RYR2: variants seen among roughly 807,000 people sequenced by gnomAD.
RYR2 encodes the protein cardiac muscle ryanodine receptor-calcium release channel.
RYR2 carries 227 observed loss-of-function variants against 601.1 expected under a neutral mutation model. The observed-to-expected ratio is 0.38, with a 90% CI of 0.34 to 0.42. The LOEUF (loss-of-function observed/expected upper bound fraction) is 0.42. RYR2 is among the 10% of genes least tolerant of loss of function. The pLI is 1.00. For synonymous variants in RYR2, 2,223 were observed against 2,175.1 expected, an observed-to-expected ratio of 1.02 and a Z score of -0.61; for missense variants, 4,646 against 6,156.5, an observed-to-expected ratio of 0.75 and a Z score of 8.21.
intron 1 of RYR2, among the ~76,000 whole-genome samples, chr1:237,087,954 G>A (rs1488043831): frequency 1.3e-5 from 2 of 152,132 alleles, no homozygotes; most frequent in African/African-American, 4.8e-5. Context: ...TTAAGTCATT[G>A]GTATTTGTGC....
intron 79 of RYR2, among the ~76,000 whole-genome samples, chr1:237,740,906 T>A (rs1272311366): frequency 1.3e-5 from 2 of 152,310 alleles, no homozygotes; most frequent in African/African-American, 4.8e-5. Flanking sequence ...GATGGAGGAC[T>A]GCAGATTTGC....
intron 2 of RYR2, among the ~76,000 whole-genome samples, chr1:237,313,361 G>A (rs1345550807): frequency 6.6e-6 from 1 of 152,122 alleles, no homozygotes; most frequent in African/African-American, 2.4e-5. Context: ...GATTATCTGG[G>A]TGAGCTCTAA....
At chr1:237,095,762 G>A (rs1667446206) in intron 1 of RYR2, among the ~76,000 whole-genome samples, 1 of 152,248 alleles carries the variant, frequency 6.6e-6, no homozygotes, top group Non-Finnish European at 1.5e-5. Flanking sequence ...AAGGTGGCAT[G>A]TAGTGGGCAT....
intron 39 of RYR2, among the ~76,000 whole-genome samples, chr1:237,624,822 T>C (rs1679469960): frequency 6.6e-6 from 1 of 152,242 alleles, no homozygotes; most frequent in South Asian, 2.1e-4. Flanking sequence ...CCAGCTGTTT[T>C]TAAAGTTATA....
At position 237,756,293 on chromosome 1, in the gene RYR2, A is replaced by G. The variant is rs748235560; in HGVS notation, c.11151A>G (p.Lys3717=). ...GEEEVKSFEE[K]EMEKQKLLYQ... is the part of the protein sequence containing the mutation. ...TGGTTGGGATTTGTGTTCAGGAAAA[A>G]GAAATGGAAAAGCAAAAGCTTCTAT... Residue 3717 remains lysine, a synonymous_variant, in exon 81 of 105, where the codon AAA becomes AAG. Transcript: ENST00000366574. The G allele has an allele frequency of 2.4e-5, 38 of 1,610,962 alleles. 1 individual carries two copies. The South Asian group carries it at 4.2e-4, about 18-fold the overall frequency.
intron 17 of RYR2, among the ~76,000 whole-genome samples, chr1:237,486,255 A>C (rs1212760401): frequency 6.6e-6 from 1 of 152,198 alleles, no homozygotes. Context: ...AAATGTCCAG[A>C]AGATAATTAG....
chr1:237,092,765 T>C (rs1667111669), intron 1 of RYR2, among the ~76,000 whole-genome samples: 1 of 152,170 alleles, frequency 6.6e-6, no homozygotes. Context: ...TCTTGACCTC[T>C]AGTGATCCAC....
At chr1:237,312,785 A>G (rs891303629) in intron 2 of RYR2, among the ~76,000 whole-genome samples, 3 of 152,232 alleles carry the variant, frequency 2.0e-5, no homozygotes, top group Non-Finnish European at 2.9e-5. Context: ...GAACTTAGTG[A>G]CCATAGGGAA....
intron 51 of RYR2, among the ~76,000 whole-genome samples, chr1:237,651,824 T>G (rs1682772167): frequency 6.6e-6 from 1 of 151,626 alleles, no homozygotes; most frequent in Non-Finnish European, 1.5e-5. Flanking sequence ...GATCACGAGG[T>G]TAGGAGATCG....
At position 237,628,007 on chromosome 1, in the gene RYR2, C is replaced by T. The variant is rs1060500159; in HGVS notation, c.6367C>T (p.Leu2123Phe). The T allele has an allele frequency of 6.2e-7, 1 of 1,613,880 alleles. No individual in the cohort carries two copies. The highest frequency in any genetic ancestry group is 8.5e-7 in the Non-Finnish European group (1 of 1,179,878). ...GGACACCATCAACCTGCTGGCATCC[C>T]TTGGTCAGATTCGGTCCCTGCTGAG... Reference protein sequence around the residue: ...VEDTINLLASLGQIRSLLSVR... With the variant: ...VEDTINLLASFGQIRSLLSVR... Residue 2123 changes from leucine to phenylalanine, a missense_variant, in exon 41 of 105, where the codon CTT becomes TTT. Transcript: ENST00000366574.
intron 10 of RYR2, among the ~76,000 whole-genome samples, chr1:237,414,455 G>A (rs1188200663): frequency 6.6e-6 from 1 of 152,054 alleles, no homozygotes; most frequent in East Asian, 1.9e-4. Flanking sequence ...TCTGGGGATG[G>A]GTCCAGCAAT....
In RYR2 at chr1:237,332,652, A is replaced by G. The variant is rs1243090247; in HGVS notation, c.273+1670A>G. The stretch of plus-strand genomic sequence containing the variant: ...TTTGGCATTAGCATTTAAAAAATGC[A>G]TCTTGCCATTTCATCTGTCTTTATA... On this transcript the variant is annotated intron_variant, in intron 3 of 104. Transcript: ENST00000366574. Among the ~76,000 whole-genome samples, 3 of 152,210 alleles carry G rather than the reference A, an allele frequency of 2.0e-5. No individual in the cohort carries two copies. The East Asian group carries it at 5.8e-4, about 29-fold the overall frequency.
chr1:237,610,925 G>C lies in RYR2; in HGVS notation c.4847G>C (p.Gly1616Ala). 1.2e-6 allele frequency: 2 copies of C among 1,613,526 alleles called. No homozygotes were observed. Among genetic ancestry groups the C allele is most frequent in the Non-Finnish European group, 1.7e-6 (2 of 1,179,744 alleles). The change falls in exon 36 of 105, where the codon GGC becomes GCC. Residue 1616 changes from glycine to alanine, a missense_variant. This residue lies in a region of RYR2 where 1,807 missense variants were observed against 2,088.1 expected (regional missense o/e 0.87). Coordinates refer to ENST00000366574, the MANE Select transcript of RYR2 (RefSeq NM_001035.3). This position sits in a 1 kb window ranked among gnomAD's most constrained non-coding sequence, Gnocchi z 4.9. ...VDVSRISERQ[G>A]WLVQCLDPLQ... ...GTGTCTCGAATAAGTGAACGCCAAG[G>C]CTGGTTGGTGCAGTGTTTGGATCCT...
At position 237,309,964 on chromosome 1, in the gene RYR2, G is replaced by A. The variant is rs181635672; in HGVS notation, c.169-20914G>A. 1.4e-3 allele frequency among the ~76,000 whole-genome samples: 214 copies of A among 152,306 alleles called. 1 individual carries two copies. Among genetic ancestry groups the A allele is most frequent in the Middle Eastern group, 3.4e-3 (1 of 292 alleles). On this transcript the variant is annotated intron_variant, in intron 2 of 104. Transcript: ENST00000366574. Reference sequence around the variant, plus strand: ...CCACGCTCACCAGCACAAGCGCCACGCGCAGCTCTGGTTCCTGCCCACACC... The same window carrying A: ...CCACGCTCACCAGCACAAGCGCCACACGCAGCTCTGGTTCCTGCCCACACC...
intron 1 of RYR2, among the ~76,000 whole-genome samples, chr1:237,161,385 G>A (rs544789129): frequency 1.0e-3 from 158 of 152,098 alleles, no homozygotes; most frequent in African/African-American, 3.7e-3. Context: ...TGTGCACAGA[G>A]AGTTGATAAT....
At chr1:237,804,047 A>G (rs1055318103) in intron 98 of RYR2, among the ~76,000 whole-genome samples, 1 of 152,160 alleles carries the variant, frequency 6.6e-6, no homozygotes, top group African/African-American at 2.4e-5. Flanking sequence ...TAAAATAAAA[A>G]AGAGACCATG....
At chr1:237,184,852 G>T (rs1041855855) in intron 1 of RYR2, among the ~76,000 whole-genome samples, 29 of 149,864 alleles carry the variant, frequency 1.9e-4, no homozygotes, top group Admixed American at 5.3e-4. Flanking sequence ...TGAGTTGAAG[G>T]TTATCTTAGT....
At chr1:237,425,790 A>G (rs566621832) in intron 12 of RYR2, among the ~76,000 whole-genome samples, 1 of 152,280 alleles carries the variant, frequency 6.6e-6, no homozygotes, top group African/African-American at 2.4e-5. Flanking sequence ...GGTGGCAGAG[A>G]TGAAGGAAAA....
intron 40 of RYR2, 125 bp downstream of exon 40, chr1:237,625,929 T>C: frequency 9.5e-7 from 1 of 1,048,562 alleles, no homozygotes; most frequent in Non-Finnish European, 1.4e-6. Context: ...AGAATCAGAC[T>C]CTTAAGTAGA....
Sources: gnomAD v4.1 joint callset for allele counts (sites outside exome capture counted in the v4.1 genomes callset) on GRCh38, gnomAD v4.1.1 for gene constraint, gnomAD v4.1.1 regional missense constraint, Gnocchi (gnomAD v3.1) non-coding constraint, MANE v1.5 for transcripts, NCBI Gene and HGNC (gene_info 2026-07-23, HGNC 2026-07-21) for gene names.